ATP2A3: variants seen among roughly 807,000 people sequenced by gnomAD.
ATP2A3 encodes sarcoplasmic/endoplasmic reticulum calcium ATPase 3.
ATP2A3 carries 61 observed loss-of-function variants against 106.8 expected under a neutral mutation model. That is an observed-to-expected ratio of 0.57 (90% CI 0.46 to 0.71). ATP2A3 has a LOEUF of 0.71. Ranked by LOEUF, ATP2A3 falls within the 30% of genes least tolerant of loss-of-function variation. The pLI, the probability that ATP2A3 is intolerant of heterozygous loss-of-function variation, is 0.00. For missense variants in ATP2A3, 1,201 were observed against 1,423.5 expected, an observed-to-expected ratio of 0.84 and a Z score of 2.52; for synonymous variants, 611 against 609.3, an observed-to-expected ratio of 1.00 and a Z score of -0.04.
In ATP2A3 at chr17:3,925,007, G is replaced by C. The variant is rs1046471574; in HGVS notation, c.*415C>G. On this transcript the variant is annotated 3_prime_UTR_variant, in exon 21 of 21. Coordinates refer to ENST00000397041, the MANE Select transcript of ATP2A3 (RefSeq NM_005173.4). This position sits in a 1 kb window ranked among gnomAD's most constrained non-coding sequence, Gnocchi z 4.2. ...AGGACCCCCAGAGTCCTCCGTCAGT[G>C]CAGAGGCACCAGTCACCAAGTGAAC... 6 of 394,326 alleles carry C rather than the reference G, an allele frequency of 1.5e-5. No homozygotes were observed. The Admixed American group carries it at 2.2e-4, about 14-fold the overall frequency. The allele number at this position is 394,326 out of a possible 1,614,324, so 24.4% of individuals were successfully genotyped here. A position where few individuals can be genotyped will look rare whatever the true frequency, so the allele number is the denominator to read the frequency against.
intron 8 of ATP2A3, among the ~76,000 whole-genome samples, chr17:3,945,915 C>A (rs573268446): frequency 6.6e-6 from 1 of 152,208 alleles, no homozygotes; most frequent in Non-Finnish European, 1.5e-5. Context: ...GCATCCAGCA[C>A]GTAAGGCCCC....
At chr17:3,940,897 T>C (rs1318680019) in intron 14 of ATP2A3, 74 bp downstream of exon 14, 3 of 1,520,990 alleles carry the variant, frequency 2.0e-6, no homozygotes, top group East Asian at 2.3e-5. Context: ...AGGGGAGAGT[T>C]GCACGGCTTG....
At chr17:3,951,758 G>T in intron 3 of ATP2A3, 73 bp from the exon 4 acceptor site, 1 of 1,400,110 alleles carries the variant, frequency 7.1e-7, no homozygotes, top group East Asian at 2.5e-5. Context: ...TTGGCACCCC[G>T]GATCTCCTGC....
intron 10 of ATP2A3, 100 bp downstream of exon 10, chr17:3,944,604 G>A: frequency 3.1e-6 from 4 of 1,280,146 alleles, no homozygotes; most frequent in Non-Finnish European, 4.5e-6. Flanking sequence ...GGCACTTCCA[G>A]GGAGCAAGGG....
In ATP2A3 at chr17:3,942,639, G is replaced by A. The variant is rs1488265863; in HGVS notation, c.1512C>T (p.His504=). The A allele has an allele frequency of 4.3e-6, 7 of 1,612,974 alleles. No homozygotes were observed. Among genetic ancestry groups the A allele is most frequent in the Admixed American group, 1.7e-5 (1 of 60,022 alleles). ...MSVYCTPTRP[H]PTGQGSKMFV... ...ACATCTTGCTGCCCTGGCCAGTAGG[G>A]TGAGGGCGGGTGGGCGTGCAGTACA... is the stretch of plus-strand genomic sequence containing the variant. The change falls in exon 12 of 21, where the codon CAC becomes CAT. Residue 504 remains histidine (H), a synonymous_variant. Coordinates refer to ENST00000397041, the MANE Select transcript of ATP2A3 (RefSeq NM_005173.4).
Position 3,964,294 on chromosome 17 carries a change from C to G in ATP2A3, c.-3G>C. ...GGGAGCAGATGCGCCGCCTCCATGC[C>G]GCCCGCCCGGCCGTCTGCGCCGTCC... On this transcript the variant is annotated 5_prime_UTR_variant, in exon 1 of 21. Coordinates refer to ENST00000397041, the MANE Select transcript of ATP2A3 (RefSeq NM_005173.4). 1 of 1,255,656 alleles carries G rather than the reference C, an allele frequency of 8.0e-7. No homozygotes were observed. Among genetic ancestry groups the G allele is most frequent in the East Asian group, 4.5e-5 (1 of 22,342 alleles). The allele number at this position is 1,255,656 out of a possible 1,614,324, so 77.8% of individuals were successfully genotyped here.
chr17:3,943,336 T>C, intron 11 of ATP2A3, 55 bp downstream of exon 11: 3 of 1,606,986 alleles, frequency 1.9e-6, no homozygotes, highest in African/African-American at 1.3e-5. Flanking sequence ...CTTCTCCAGA[T>C]GTCCCAGAAG....
At chr17:3,944,838 T>C in intron 9 of ATP2A3, 32 bp from the exon 10 acceptor site, 1 of 1,579,928 alleles carries the variant, frequency 6.3e-7, no homozygotes, top group African/African-American at 1.4e-5. Context: ...CAGGAGGACC[T>C]CGGCTCCGCC....
At position 3,938,485 on chromosome 17, in the gene ATP2A3, G is replaced by A. The variant is rs146491758; in HGVS notation, c.2101-849C>T. On this transcript the variant is annotated intron_variant, in intron 14 of 20. Transcript: ENST00000397041. ...GAGGTCAACATAAAGCATTACATTG[G>A]GGGTGGGGCAGTGTCAAGGTCAACG... 3.9e-3 allele frequency among the ~76,000 whole-genome samples: 586 copies of A among 152,166 alleles called. 7 individuals carry two copies. Among genetic ancestry groups the A allele is most frequent in the African/African-American group, 0.014 (562 of 41,526 alleles).
chr17:3,940,031 C>CTTTTTTTTTTTTTTTTTT (rs1174008086), intron 14 of ATP2A3, among the ~76,000 whole-genome samples: 4 of 96,520 alleles, frequency 4.1e-5, no homozygotes, highest in African/African-American at 1.4e-4. Context: ...TGTGTCATAT[C>CTTTTTTTTTTTTTTTTTT]TTTTTTTTTT....
chr17:3,933,481 T>C lies in ATP2A3; in HGVS notation c.2610+1711A>G, dbSNP rs546052358. ...GTCCGGGTGCCGTGGCTCACGCCTG[T>C]GATCCCAGCACTTTGGGAGGCTGAG... On this transcript the variant is annotated intron_variant, in intron 17 of 20. Coordinates refer to ENST00000397041, the MANE Select transcript of ATP2A3 (RefSeq NM_005173.4). Among the ~76,000 whole-genome samples the C allele has an allele frequency of 4.0e-5, 6 of 151,402 alleles. 2 individuals carry two copies. The highest frequency in any genetic ancestry group is 1.5e-4 in the African/African-American group (6 of 40,830).
At position 3,928,309 on chromosome 17, in the gene ATP2A3, A is replaced by C; in HGVS notation, c.2980+354T>G. 1.2e-6 allele frequency: 2 copies of C among 1,613,200 alleles called. No individual in the cohort carries two copies. The highest frequency in any genetic ancestry group is 2.2e-5 in the East Asian group (1 of 44,884). ...CCAGGCCTGCGAGACTGTCCTGAGA[A>C]GGCCTGGATAAAGACAGGCTGGGTG... On this transcript the variant is annotated intron_variant, in intron 20 of 20. Transcript: ENST00000397041. This position sits in a 1 kb window ranked among gnomAD's most constrained non-coding sequence, Gnocchi z 6.1.
chr17:3,944,396 CTGTGTCTTCTG>C lies in ATP2A3; in HGVS notation c.1287+297_1287+307del, dbSNP rs1298536404. 6.6e-5 allele frequency among the ~76,000 whole-genome samples: 10 copies of C among 152,240 alleles called. 1 individual carries two copies. Among genetic ancestry groups the C allele is most frequent in the African/African-American group, 2.4e-4 (10 of 41,536 alleles). On this transcript the variant is annotated intron_variant, in intron 10 of 20. Transcript: ENST00000397041. ...TAACTGAACGTGGGCCTTTTGTGGG[CTGTGTCTTCTG>C]CTTTCAACATTTTCTTGGTCCTGTT...
At chr17:3,952,107 CAG>C (rs1217773809) in intron 3 of ATP2A3, among the ~76,000 whole-genome samples, 1 of 152,230 alleles carries the variant, frequency 6.6e-6, no homozygotes, top group Non-Finnish European at 1.5e-5. Flanking sequence ...TCTTTTGAGA[CAG>C]AGTCTTGCTC....
intron 17 of ATP2A3, among the ~76,000 whole-genome samples, chr17:3,932,284 C>T (rs2053149374): frequency 6.6e-6 from 1 of 152,130 alleles, no homozygotes; most frequent in South Asian, 2.1e-4. Context: ...GCTGGGACTA[C>T]AGGCACCCGC....
In ATP2A3 at chr17:3,928,140, C is replaced by T. The variant is rs1367191234; in HGVS notation, c.2980+523G>A. 5.0e-6 allele frequency: 8 copies of T among 1,598,926 alleles called. No homozygotes were observed. The highest frequency in any genetic ancestry group is 6.0e-6 in the Non-Finnish European group (7 of 1,166,554). ...TTCTCTCCAGCCCGACACCTGCCAT[C>T]CTGTCCTCTCCACTCCGGGGTTAAG... On this transcript the variant is annotated intron_variant, in intron 20 of 20. Coordinates refer to ENST00000397041, the MANE Select transcript of ATP2A3 (RefSeq NM_005173.4). The surrounding 1 kb of genome is among the most constrained non-coding windows in gnomAD (Gnocchi z 6.1).
In ATP2A3 at chr17:3,936,370, C is replaced by T. The variant is rs758862972; in HGVS notation, c.2421G>A (p.Leu807=). ...TGTCCAGGTCTGGCGGGTTGAAGCC[C>T]AGAGCCGTGGCAGGTAGGCCGTCTG... ...LVTDGLPATA[L]GFNPPDLDIM... is the part of the protein sequence containing the mutation. The change falls in exon 16 of 21, where the codon CTG becomes CTA. Residue 807 remains leucine (L), a synonymous_variant. Transcript: ENST00000397041. The surrounding 1 kb of genome is among the most constrained non-coding windows in gnomAD (Gnocchi z 5.4). 4 of 1,614,124 alleles carry T rather than the reference C, an allele frequency of 2.5e-6. No individual in the cohort carries two copies. Among genetic ancestry groups the T allele is most frequent in the Non-Finnish European group, 3.4e-6 (4 of 1,180,028 alleles).
intron 12 of ATP2A3, among the ~76,000 whole-genome samples, chr17:3,942,083 G>A (rs1280863777): frequency 1.3e-5 from 2 of 152,158 alleles, no homozygotes; most frequent in African/African-American, 2.4e-5. Flanking sequence ...CCATACACAG[G>A]GTATGGCGGG....
chr17:3,961,691 C>T (rs956591593), intron 1 of ATP2A3, among the ~76,000 whole-genome samples: 6 of 152,210 alleles, frequency 3.9e-5, no homozygotes, highest in African/African-American at 1.4e-4. Context: ...CTTCTGCCCT[C>T]AGGCCTGACC....
Sources: gnomAD v4.1 joint callset for allele counts (sites outside exome capture counted in the v4.1 genomes callset) on GRCh38, gnomAD v4.1.1 for gene constraint, Gnocchi (gnomAD v3.1) non-coding constraint, MANE v1.5 for transcripts, NCBI Gene and HGNC (gene_info 2026-07-23, HGNC 2026-07-21) for gene names.